ADAMTSL1: variants seen among roughly 807,000 people sequenced by gnomAD.
The protein encoded by ADAMTSL1 is ADAMTS-like protein 1.
ADAMTSL1 carries 126 observed loss-of-function variants against 201.8 expected under a neutral mutation model. The ratio of observed to expected loss-of-function variants is 0.62; its 90% CI spans 0.54 to 0.72. ADAMTSL1 has a LOEUF of 0.72. Among genes scored for constraint, ADAMTSL1 ranks in the 30% least tolerant of loss-of-function variants. The pLI is 0.00. For missense variants in ADAMTSL1, 2,679 were observed against 2,277.8 expected (o/e 1.18, Z -3.59); for synonymous variants, 1,121 against 903.4 (o/e 1.24, Z -4.32).
At chr9:18,251,577 T>C (rs1257117175) in intron 2 of ADAMTSL1, among the ~76,000 whole-genome samples, 1 of 152,184 alleles carries the variant, frequency 6.6e-6, no homozygotes, top group Non-Finnish European at 1.5e-5. Flanking sequence ...ATCAATTGGG[T>C]TTATGTATTC....
chr9:18,788,546 T>C (rs10963762), intron 19 of ADAMTSL1, among the ~76,000 whole-genome samples: 7,474 of 152,238 alleles, frequency 0.049, 449 homozygotes, highest in East Asian at 0.3. Context: ...AACTTTTGCC[T>C]GCTCTCTAAA....
At chr9:18,347,619 T>A (rs1835782520) in intron 2 of ADAMTSL1, among the ~76,000 whole-genome samples, 1 of 152,138 alleles carries the variant, frequency 6.6e-6, no homozygotes, top group Non-Finnish European at 1.5e-5. Flanking sequence ...ATTTATTCCT[T>A]TCTTTCCCTA....
intron 2 of ADAMTSL1, among the ~76,000 whole-genome samples, chr9:18,298,937 G>A (rs1310156915): frequency 3.3e-5 from 5 of 151,742 alleles, no homozygotes; most frequent in African/African-American, 9.7e-5. Flanking sequence ...GCGTGAACCC[G>A]GGAGGCGGAG....
In ADAMTSL1 at chr9:18,106,255, C is replaced by T. The variant is rs1372796088; in HGVS notation, c.88-57607C>T. 3.3e-5 allele frequency among the ~76,000 whole-genome samples: 5 copies of T among 152,196 alleles called. No homozygotes were observed. In the East Asian group the frequency reaches 7.7e-4, roughly 23 times the overall value. Reference sequence around the variant, plus strand: ...GCTAACTAAGGGAGAGTGTGAGCCTCATATGAAAAGACATTTGTTTCCAGA... The same window carrying T: ...GCTAACTAAGGGAGAGTGTGAGCCTTATATGAAAAGACATTTGTTTCCAGA... On this transcript the variant is annotated intron_variant, in intron 1 of 29. Coordinates refer to the ADAMTSL1 transcript ENST00000680146.
intron 1 of ADAMTSL1, among the ~76,000 whole-genome samples, chr9:17,986,289 C>T (rs10963381): frequency 6.6e-6 from 1 of 151,856 alleles, no homozygotes; most frequent in Non-Finnish European, 1.5e-5. Context: ...CAATGACCAC[C>T]TACTCTCCTT....
intron 2 of ADAMTSL1, among the ~76,000 whole-genome samples, chr9:18,210,207 T>C (rs1829810218): frequency 6.6e-6 from 1 of 151,410 alleles, no homozygotes; most frequent in Non-Finnish European, 1.5e-5. Context: ...CTTTCTTTCC[T>C]TTCTCTTTCC....
intron 1 of ADAMTSL1, among the ~76,000 whole-genome samples, chr9:17,926,438 A>C (rs1218310600): frequency 6.6e-6 from 1 of 150,878 alleles, no homozygotes; most frequent in East Asian, 2.0e-4. Flanking sequence ...CGCTTGGCTC[A>C]CTGGGCGTAC....
intron 15 of ADAMTSL1, among the ~76,000 whole-genome samples, chr9:18,744,094 T>C (rs1410905508): frequency 6.6e-6 from 1 of 152,204 alleles, no homozygotes; most frequent in Non-Finnish European, 1.5e-5. Flanking sequence ...ACTTCAGAGT[T>C]AGGAGGATGA....
At chr9:18,615,313 G>C (rs1283428864) in intron 4 of ADAMTSL1, among the ~76,000 whole-genome samples, 1 of 152,230 alleles carries the variant, frequency 6.6e-6, no homozygotes, top group Non-Finnish European at 1.5e-5. Context: ...ATGCCTGCCT[G>C]TGTGGCAGGG....
chr9:17,976,853 T>C (rs1818472186), intron 1 of ADAMTSL1, among the ~76,000 whole-genome samples: 2 of 151,944 alleles, frequency 1.3e-5, no homozygotes, highest in Admixed American at 6.6e-5. Context: ...TTGCTCGGGC[T>C]ATGACTATCA....
chr9:18,904,829 T>G (rs1830210970), intron 26 of ADAMTSL1, among the ~76,000 whole-genome samples: 1 of 149,682 alleles, frequency 6.7e-6, no homozygotes, highest in Non-Finnish European at 1.5e-5. Flanking sequence ...GAGCAATAAT[T>G]CGCCTTGGGC....
intron 10 of ADAMTSL1, among the ~76,000 whole-genome samples, chr9:18,679,756 G>C (rs1336209727): frequency 6.6e-6 from 1 of 152,118 alleles, no homozygotes; most frequent in African/African-American, 2.4e-5. Context: ...CTGAATCTAA[G>C]TAGTCCCAAA....
intron 2 of ADAMTSL1, among the ~76,000 whole-genome samples, chr9:18,423,025 G>A (rs1405060966): frequency 6.6e-6 from 1 of 152,154 alleles, no homozygotes; most frequent in African/African-American, 2.4e-5. Flanking sequence ...CTTTGTATGG[G>A]ATAGGAAAAC....
Position 18,438,375 on chromosome 9 carries a change from C to A in ADAMTSL1, c.208-66454C>A, listed in dbSNP as rs10963607. Among the ~76,000 whole-genome samples, 20 of 152,130 alleles carry A rather than the reference C, an allele frequency of 1.3e-4. 1 individual carries two copies. The highest frequency in any genetic ancestry group is 4.1e-4 in the African/African-American group (17 of 41,442). On this transcript the variant is annotated intron_variant, in intron 2 of 29. Coordinates refer to the ADAMTSL1 transcript ENST00000680146. ...AGTTTTGCTTTCAGAGTAGGGAGCT[C>A]GCCTTTTGATCTTTTGCTAGGAACC... is the stretch of plus-strand genomic sequence containing the variant.
At chr9:18,759,773 C>T (rs938584531) in intron 16 of ADAMTSL1, among the ~76,000 whole-genome samples, 2 of 152,118 alleles carry the variant, frequency 1.3e-5, no homozygotes, top group Non-Finnish European at 2.9e-5. Flanking sequence ...GAATGTAAAA[C>T]CTTGAAGGTA....
intron 2 of ADAMTSL1, among the ~76,000 whole-genome samples, chr9:18,188,999 G>T (rs916076783): frequency 6.6e-6 from 1 of 152,138 alleles, no homozygotes; most frequent in Non-Finnish European, 1.5e-5. Flanking sequence ...GCTCTTTATC[G>T]CTGTACAGGT....
chr9:18,549,243 AC>A (rs1351762407), intron 3 of ADAMTSL1, among the ~76,000 whole-genome samples: 2 of 152,042 alleles, frequency 1.3e-5, no homozygotes, highest in Non-Finnish European at 2.9e-5. Context: ...AAGACAGAGT[AC>A]CCACAAAAGA....
intron 2 of ADAMTSL1, among the ~76,000 whole-genome samples, chr9:18,417,375 A>AG (rs1406525542): frequency 6.7e-6 from 1 of 148,906 alleles, no homozygotes; most frequent in Non-Finnish European, 1.5e-5. Flanking sequence ...AGGAAAAAAA[A>AG]AAAAAAGAAA....
chr9:18,782,203 C>T (rs1821433330), intron 19 of ADAMTSL1, among the ~76,000 whole-genome samples: 1 of 152,022 alleles, frequency 6.6e-6, no homozygotes, highest in Admixed American at 6.6e-5. Flanking sequence ...AGTTTGGGAG[C>T]CAGAGGAGTA....
Sources: gnomAD v4.1 joint callset for allele counts (sites outside exome capture counted in the v4.1 genomes callset) on GRCh38, gnomAD v4.1.1 for gene constraint, MANE v1.5 for transcripts, NCBI Gene and HGNC (gene_info 2026-07-23, HGNC 2026-07-21) for gene names.